Variants in GORASP1 observed in about 807,000 individuals in gnomAD.
The protein encoded by GORASP1 is golgi reassembly stacking protein 1.
A neutral mutation model predicts 37.7 loss-of-function variants in GORASP1; 31 were observed. The ratio of observed to expected loss-of-function variants is 0.82; its 90% CI spans 0.62 to 1.11. The LOEUF is 1.11. GORASP1 is among the 50% of genes least tolerant of loss of function. GORASP1 has a pLI of 0.00. For missense variants in GORASP1, 476 were observed against 560.7 expected, an observed-to-expected ratio of 0.85 and a Z score of 1.53; for synonymous variants, 204 against 224.8, an observed-to-expected ratio of 0.91 and a Z score of 0.83.
rs529017544 is a variant in GORASP1 at position 39,101,268 on chromosome 3, A to G, written c.349-166T>C. On this transcript the variant is annotated intron_variant, in intron 3 of 8. Coordinates refer to ENST00000319283, the MANE Select transcript of GORASP1 (RefSeq NM_031899.4). ...CCTCATTTCACCCCTCCATTCCCCTATCTCCCCCAGGTCTACAGCCTGTCC... is the reference window on the plus strand; with the variant it reads ...CCTCATTTCACCCCTCCATTCCCCTGTCTCCCCCAGGTCTACAGCCTGTCC... 47 of 660,414 alleles carry G rather than the reference A, an allele frequency of 7.1e-5. 1 individual carries two copies. The South Asian group carries it at 7.8e-4, about 11-fold the overall frequency. The allele number at this position is 660,414 out of a possible 1,614,324, so 40.9% of individuals were successfully genotyped here.
Position 39,102,698 on chromosome 3 carries a change from C to T in GORASP1, c.328G>A (p.Glu110Lys), listed in dbSNP as rs1291312548. Residue 110 changes from glutamate to lysine, a missense_variant, in exon 3 of 9, where the codon GAG becomes AAG. Coordinates refer to ENST00000319283, the MANE Select transcript of GORASP1 (RefSeq NM_031899.4). This position sits in a 1 kb window ranked among gnomAD's most constrained non-coding sequence, Gnocchi z 5.0. ...CTCACCAGCACATGCCACACCTGCT[C>T]ACTGGCCCTGCGGAAGCTGCAGAAG... ...VRFCSFRRAS[E>K]QVWHVLDVEP... is the part of the protein sequence containing the mutation. The T allele has an allele frequency of 6.2e-7, 1 of 1,614,074 alleles. No homozygotes were observed. Among genetic ancestry groups the T allele is most frequent in the Non-Finnish European group, 8.5e-7 (1 of 1,180,052 alleles).
At position 39,107,464 on chromosome 3, in the gene GORASP1, G is replaced by T; in HGVS notation, c.63+15C>A. The T allele has an allele frequency of 7.5e-7, 1 of 1,339,546 alleles. No homozygotes were observed. The allele number at this position is 1,339,546 out of a possible 1,614,324, so 83.0% of individuals were successfully genotyped here. Reference sequence around the variant, plus strand: ...GCGCCTCGCCAAGGTCACCGGCGCCGCGGCGGCAACTCACCCCGTGGAGGT... The same window carrying T: ...GCGCCTCGCCAAGGTCACCGGCGCCTCGGCGGCAACTCACCCCGTGGAGGT... On this transcript the variant is annotated intron_variant, in intron 1 of 8. Transcript: ENST00000319283.
At position 39,097,923 on chromosome 3, in the gene GORASP1, A is replaced by G. The variant is rs1196365551; in HGVS notation, c.*313T>C. The G allele has an allele frequency of 5.5e-6, 2 of 363,572 alleles. No individual in the cohort carries two copies. The highest frequency in any genetic ancestry group is 1.2e-4 in the East Asian group (2 of 16,288). The allele number at this position is 363,572 out of a possible 1,614,324, so 22.5% of individuals were successfully genotyped here. On this transcript the variant is annotated 3_prime_UTR_variant, in exon 9 of 9. Coordinates refer to ENST00000319283, the MANE Select transcript of GORASP1 (RefSeq NM_031899.4). ...ATGGGGTGGGCTGAGCTGTGCAGGA[A>G]GAATCAAAGCGACCAGGCCAACACT...
At chr3:39,104,961 C>CT (rs758457999) in intron 1 of GORASP1, among the ~76,000 whole-genome samples, 3 of 152,218 alleles carry the variant, frequency 2.0e-5, no homozygotes, top group Non-Finnish European at 4.4e-5. Context: ...ATGCCCCTCC[C>CT]TAATCAGGGC....
intron 1 of GORASP1, among the ~76,000 whole-genome samples, chr3:39,104,997 T>G (rs2035955546): frequency 6.6e-6 from 1 of 152,154 alleles, no homozygotes; most frequent in African/African-American, 2.4e-5. Flanking sequence ...CCACGTCAGG[T>G]GCCTGCCTAC....
chr3:39,100,605 A>G lies in GORASP1; in HGVS notation c.567-102T>C. ...CAGCAATAAGGGGGCTGAAAAGGGT[A>G]CTTCTGAAATACCGGTCAGCCTCAG... On this transcript the variant is annotated intron_variant, in intron 5 of 8. Transcript: ENST00000319283. This position sits in a 1 kb window ranked among gnomAD's most constrained non-coding sequence, Gnocchi z 4.6. 2 of 1,466,352 alleles carry G rather than the reference A, an allele frequency of 1.4e-6. No homozygotes were observed. Among genetic ancestry groups the G allele is most frequent in the Non-Finnish European group, 1.8e-6 (2 of 1,085,898 alleles). The allele number at this position is 1,466,352 out of a possible 1,614,324, so 90.8% of individuals were successfully genotyped here.
chr3:39,103,418 G>T lies in GORASP1; in HGVS notation c.144+55C>A. ...GACTGGGGCCCCCTGTGGGACAGAT[G>T]AAGACACACAAACACACATAAGCAA... On this transcript the variant is annotated intron_variant, in intron 2 of 8. Coordinates refer to ENST00000319283, the MANE Select transcript of GORASP1 (RefSeq NM_031899.4). The surrounding 1 kb of genome is among the most constrained non-coding windows in gnomAD (Gnocchi z 5.2). 1 of 1,450,924 alleles carries T rather than the reference G, an allele frequency of 6.9e-7. No homozygotes were observed. Among genetic ancestry groups the T allele is most frequent in the Non-Finnish European group, 9.5e-7 (1 of 1,050,226 alleles). The allele number at this position is 1,450,924 out of a possible 1,614,324, so 89.9% of individuals were successfully genotyped here.
rs751268523 is a variant in GORASP1 at position 39,098,506 on chromosome 3, CA to C, written c.1070-18del. 8.7e-6 allele frequency: 14 copies of C among 1,605,256 alleles called. No individual in the cohort carries two copies. Among genetic ancestry groups the C allele is most frequent in the Non-Finnish European group, 1.2e-5 (14 of 1,175,134 alleles). On this transcript the variant is annotated intron_variant, in intron 8 of 8. Transcript: ENST00000319283. The surrounding 1 kb of genome is among the most constrained non-coding windows in gnomAD (Gnocchi z 4.7). ...TAGCCTCACCTGCAACACAGAAGATCAGGCTGAGGAGGTCTGCAAGAACCTA... is the reference window on the plus strand; with the variant it reads ...TAGCCTCACCTGCAACACAGAAGATCGGCTGAGGAGGTCTGCAAGAACCTA...
rs2125704803 is a variant in GORASP1 at position 39,102,502 on chromosome 3, TG to T, written c.348+175del. The stretch of plus-strand genomic sequence containing the variant: ...ATACACTGTTCAGGTAGTAATGAGC[TG>T]CCCTCTCTGGGACACTGGAATGAGA... On this transcript the variant is annotated intron_variant, in intron 3 of 8. Transcript: ENST00000319283. The surrounding 1 kb of genome is among the most constrained non-coding windows in gnomAD (Gnocchi z 5.0). 1.5e-6 allele frequency: 1 copy of T among 654,112 alleles called. No homozygotes were observed. Among genetic ancestry groups the T allele is most frequent in the African/African-American group, 1.8e-5 (1 of 55,868 alleles). The allele number at this position is 654,112 out of a possible 1,614,324, so 40.5% of individuals were successfully genotyped here. A position where few individuals can be genotyped will look rare whatever the true frequency, so the allele number is the denominator to read the frequency against.
chr3:39,098,603 G>T lies in GORASP1; in HGVS notation c.1070-114C>A. Reference sequence around the variant, plus strand: ...GCCACTCCAGGTTTGATGGGGGATTGGAGATGGAGTGTACAAATGCCTTGG... The same window carrying T: ...GCCACTCCAGGTTTGATGGGGGATTTGAGATGGAGTGTACAAATGCCTTGG... On this transcript the variant is annotated intron_variant, in intron 8 of 8. Transcript: ENST00000319283. The surrounding 1 kb of genome is among the most constrained non-coding windows in gnomAD (Gnocchi z 4.7). 6.7e-7 allele frequency: 1 copy of T among 1,494,736 alleles called. No individual in the cohort carries two copies. Among genetic ancestry groups the T allele is most frequent in the Admixed American group, 2.0e-5 (1 of 50,520 alleles). 92.6% of individuals were successfully genotyped at this position (1,494,736 alleles called of 1,614,324 possible).
rs1042634692 is a variant in GORASP1 at position 39,107,622 on chromosome 3, T to C, written c.-81A>G. The C allele has an allele frequency of 2.2e-6, 3 of 1,363,834 alleles. No homozygotes were observed. Among genetic ancestry groups the C allele is most frequent in the Non-Finnish European group, 3.0e-6 (3 of 1,009,386 alleles). 84.5% of individuals were successfully genotyped at this position (1,363,834 alleles called of 1,614,324 possible). On this transcript the variant is annotated 5_prime_UTR_variant, in exon 1 of 9. Transcript: ENST00000319283. ...CCCGACGCCAGTAGCACCGACTCGC[T>C]CTCTCGGCGCTCGATTCCTGCGCCT... is the stretch of plus-strand genomic sequence containing the variant.
In GORASP1 at chr3:39,102,588, A is replaced by AT; in HGVS notation, c.348+89dup. 4 of 1,285,962 alleles carry AT rather than the reference A, an allele frequency of 3.1e-6. No individual in the cohort carries two copies. The highest frequency in any genetic ancestry group is 4.4e-6 in the Non-Finnish European group (4 of 905,328). The allele number at this position is 1,285,962 out of a possible 1,614,324, so 79.7% of individuals were successfully genotyped here. A position where few individuals can be genotyped will look rare whatever the true frequency, so the allele number is the denominator to read the frequency against. On this transcript the variant is annotated intron_variant, in intron 3 of 8. Coordinates refer to ENST00000319283, the MANE Select transcript of GORASP1 (RefSeq NM_031899.4). This position sits in a 1 kb window ranked among gnomAD's most constrained non-coding sequence, Gnocchi z 5.0. ...TCCAAGGCTCCCACTCCACTCCTGC[A>AT]TGTACCCCCTCACACCCCGCCCACA...
Position 39,103,381 on chromosome 3 carries a change from G to T in GORASP1, c.144+92C>A. On this transcript the variant is annotated intron_variant, in intron 2 of 8. Coordinates refer to ENST00000319283, the MANE Select transcript of GORASP1 (RefSeq NM_031899.4). The surrounding 1 kb of genome is among the most constrained non-coding windows in gnomAD (Gnocchi z 5.2). Reference sequence around the variant, plus strand: ...CTGGGACTCCCTTTAGAAAAAAAGGGAGGGAAGGGTAGACTGGGGCCCCCT... The same window carrying T: ...CTGGGACTCCCTTTAGAAAAAAAGGTAGGGAAGGGTAGACTGGGGCCCCCT... 1 of 934,914 alleles carries T rather than the reference G, an allele frequency of 1.1e-6. No individual in the cohort carries two copies. Among genetic ancestry groups the T allele is most frequent in the Non-Finnish European group, 1.7e-6 (1 of 602,886 alleles). The allele number at this position is 934,914 out of a possible 1,614,324, so 57.9% of individuals were successfully genotyped here.
chr3:39,107,452 G>C, intron 1 of GORASP1, 27 bp downstream of exon 1: 1 of 1,315,498 alleles, frequency 7.6e-7, no homozygotes, highest in Admixed American at 4.0e-5. Context: ...CCTCGCCAAG[G>C]TCACCGGCGC....
In GORASP1 at chr3:39,102,937, C is replaced by G. The variant is rs1259433960; in HGVS notation, c.145-56G>C. The G allele has an allele frequency of 1.9e-6, 3 of 1,541,092 alleles. No individual in the cohort carries two copies. Among genetic ancestry groups the G allele is most frequent in the African/African-American group, 2.7e-5 (2 of 73,434 alleles). ...CACCTCATGCCCAGGCTAGGACCCT[C>G]AGACAAGTCTGGGCCTGAGATGGGG... is the stretch of plus-strand genomic sequence containing the variant. On this transcript the variant is annotated intron_variant, in intron 2 of 8. Coordinates refer to ENST00000319283, the MANE Select transcript of GORASP1 (RefSeq NM_031899.4). The surrounding 1 kb of genome is among the most constrained non-coding windows in gnomAD (Gnocchi z 5.0).
In GORASP1 at chr3:39,105,006, A is replaced by G. The variant is rs1319970357; in HGVS notation, c.64-1453T>C. Among the ~76,000 whole-genome samples, 13 of 152,010 alleles carry G rather than the reference A, an allele frequency of 8.6e-5. No individual in the cohort carries two copies. The highest frequency in any genetic ancestry group is 8.5e-4 in the Admixed American group (13 of 15,262). Reference sequence around the variant, plus strand: ...ATCACTCCACGTCAGGTGCCTGCCTACTTCCCTCCCCACTCCCCAGTATTG... The same window carrying G: ...ATCACTCCACGTCAGGTGCCTGCCTGCTTCCCTCCCCACTCCCCAGTATTG... On this transcript the variant is annotated intron_variant, in intron 1 of 8. Transcript: ENST00000319283. The surrounding 1 kb of genome is among the most constrained non-coding windows in gnomAD (Gnocchi z 5.4).
At chr3:39,101,213 A>G (rs2293307) in intron 3 of GORASP1, 111 bp from the exon 4 acceptor site, 120,217 of 908,002 alleles carry the variant, frequency 0.13, 11,657 homozygotes, top group African/African-American at 0.43. Context: ...CTTGTCCTCT[A>G]TCCCTAAGCA....
In GORASP1 at chr3:39,100,237, C is replaced by G; in HGVS notation, c.765+68G>C. On this transcript the variant is annotated intron_variant, in intron 6 of 8. Transcript: ENST00000319283. The surrounding 1 kb of genome is among the most constrained non-coding windows in gnomAD (Gnocchi z 4.6). ...TCACAAAGGCCCCTGGTGAGGGTTGCTGATGGCTCCCCAAGGGCAGCCTCT... is the reference window on the plus strand; with the variant it reads ...TCACAAAGGCCCCTGGTGAGGGTTGGTGATGGCTCCCCAAGGGCAGCCTCT... 2 of 1,414,536 alleles carry G rather than the reference C, an allele frequency of 1.4e-6. No homozygotes were observed. The highest frequency in any genetic ancestry group is 2.0e-6 in the Non-Finnish European group (2 of 1,001,146). The allele number at this position is 1,414,536 out of a possible 1,614,324, so 87.6% of individuals were successfully genotyped here. A position where few individuals can be genotyped will look rare whatever the true frequency, so the allele number is the denominator to read the frequency against.
rs554109343 is a variant in GORASP1 at position 39,105,446 on chromosome 3, T to A, written c.64-1893A>T. On this transcript the variant is annotated intron_variant, in intron 1 of 8. Transcript: ENST00000319283. The surrounding 1 kb of genome is among the most constrained non-coding windows in gnomAD (Gnocchi z 5.4). ...GCATGGCACCACCTCACCTGCTTTA[T>A]GTGTCATTTAACCTTTTTAATAACC... Among the ~76,000 whole-genome samples the A allele has an allele frequency of 2.0e-5, 3 of 152,294 alleles. No individual in the cohort carries two copies. Among genetic ancestry groups the A allele is most frequent in the African/African-American group, 4.8e-5 (2 of 41,568 alleles).
Sources: allele counts gnomAD v4.1 joint callset (sites outside exome capture counted in the v4.1 genomes callset), GRCh38; gene constraint gnomAD v4.1.1; non-coding constraint Gnocchi (gnomAD v3.1); transcripts MANE v1.5; gene names NCBI Gene and HGNC (gene_info 2026-07-23, HGNC 2026-07-21).